The following AGMO variants were observed in gnomAD, a reference collection of about 807,000 sequenced individuals.
AGMO encodes the protein alkylglycerol monooxygenase.
AGMO carries 75 observed loss-of-function variants against 60.2 expected under a neutral mutation model. That is an observed-to-expected ratio of 1.25 (90% CI 1.03 to 1.51). The LOEUF (loss-of-function observed/expected upper bound fraction) is 1.51, where lower values mean the gene tolerates loss of function less well. Ranked by LOEUF, AGMO falls within the 40% of genes most tolerant of loss-of-function variation. The probability of loss-of-function intolerance (pLI) is 0.00; values close to 1 mark genes in which losing one functional copy is unlikely to be tolerated. For synonymous variants in AGMO, 261 were observed against 177.1 expected (o/e 1.47, Z -3.76); for missense variants, 763 against 525.5 (o/e 1.45, Z -4.42).
At chr7:15,432,821 C>A (rs1009543492) in intron 3 of AGMO, among the ~76,000 whole-genome samples, 1 of 151,848 alleles carries the variant, frequency 6.6e-6, no homozygotes, top group African/African-American at 2.4e-5. Context: ...AACACAGAAC[C>A]AAATTATCTG....
intron 12 of AGMO, among the ~76,000 whole-genome samples, chr7:15,350,781 A>C (rs1389684729): frequency 2.0e-5 from 3 of 152,174 alleles, no homozygotes; most frequent in Non-Finnish European, 4.4e-5. Context: ...AATATTGTTA[A>C]AGGCTGTGTA....
At chr7:15,339,650 T>A (rs546013836) in intron 12 of AGMO, among the ~76,000 whole-genome samples, 1 of 152,160 alleles carries the variant, frequency 6.6e-6, no homozygotes, top group Admixed American at 6.6e-5. Flanking sequence ...TAAAGTTATA[T>A]AGACTGTTTA....
chr7:15,382,945 G>A (rs1215088349), intron 10 of AGMO, among the ~76,000 whole-genome samples: 1 of 150,616 alleles, frequency 6.6e-6, no homozygotes, highest in Non-Finnish European at 1.5e-5. Flanking sequence ...TGTAACATTT[G>A]TTATTTTTGC....
intron 10 of AGMO, among the ~76,000 whole-genome samples, chr7:15,370,308 G>T (rs542732420): frequency 6.6e-6 from 1 of 152,252 alleles, no homozygotes; most frequent in South Asian, 2.1e-4. Flanking sequence ...CTCCGTTGGT[G>T]GGCACCTAGG....
intron 12 of AGMO, among the ~76,000 whole-genome samples, chr7:15,351,354 C>T (rs998058950): frequency 6.6e-6 from 1 of 152,124 alleles, no homozygotes; most frequent in African/African-American, 2.4e-5. Context: ...ATAACATATA[C>T]TTAAAATACC....
intron 3 of AGMO, among the ~76,000 whole-genome samples, chr7:15,505,125 G>C (rs1227028818): frequency 6.8e-6 from 1 of 147,464 alleles, no homozygotes; most frequent in East Asian, 1.9e-4. Flanking sequence ...CACGTTTCAA[G>C]TCAAATCATC....
At chr7:15,314,893 G>C (rs1389112202) in intron 12 of AGMO, among the ~76,000 whole-genome samples, 2 of 152,116 alleles carry the variant, frequency 1.3e-5, no homozygotes, top group Non-Finnish European at 2.9e-5. Context: ...TGACATAAGG[G>C]AAAATCAGAG....
intron 3 of AGMO, among the ~76,000 whole-genome samples, chr7:15,483,411 A>AT (rs1782815682): frequency 1.8e-5 from 1 of 54,914 alleles, no homozygotes; most frequent in Non-Finnish European, 7.9e-5. Flanking sequence ...CTAAAAATAC[A>AT]AAAAATTAGC....
In AGMO at chr7:15,347,248, A is replaced by G. The variant is rs535659171; in HGVS notation, c.1263+18266T>C. Reference sequence around the variant, plus strand: ...TACATAGATTAAAGGACCTAGATCTATTTCCTGGCTCTTCACTAACCGTGT... The same window carrying G: ...TACATAGATTAAAGGACCTAGATCTGTTTCCTGGCTCTTCACTAACCGTGT... On this transcript the variant is annotated intron_variant, in intron 12 of 12. Coordinates refer to ENST00000342526, the MANE Select transcript of AGMO (RefSeq NM_001004320.2). Among the ~76,000 whole-genome samples, 20 of 152,170 alleles carry G rather than the reference A, an allele frequency of 1.3e-4. No homozygotes were observed. The East Asian group carries it at 3.5e-3, about 26-fold the overall frequency.
At chr7:15,185,771 C>T in the AGMO span, among the ~76,000 whole-genome samples, 4,432 of 152,256 alleles carry the variant, frequency 0.029, 106 homozygotes, top group Middle Eastern at 0.071. Flanking sequence ...AGAATATGTG[C>T]CTTGTTTTCT....
In AGMO at chr7:15,322,559, TATATAA is replaced by T. The variant is rs1191440733; in HGVS notation, c.1263+42949_1263+42954del. On this transcript the variant is annotated intron_variant, in intron 12 of 12. Transcript: ENST00000342526. The stretch of plus-strand genomic sequence containing the variant: ...AAATATATATATAAATATATATAAA[TATATAA>T]ATATATATAAATATATATAAATATA... 1.7e-3 allele frequency among the ~76,000 whole-genome samples: 79 copies of T among 47,808 alleles called. 1 individual carries two copies. Among genetic ancestry groups the T allele is most frequent in the East Asian group, 2.5e-3 (5 of 1,970 alleles). 31.4% of individuals were successfully genotyped at this position (47,808 alleles called of 152,430 possible). A position where few individuals can be genotyped will look rare whatever the true frequency, so the allele number is the denominator to read the frequency against.
At chr7:15,510,551 A>ATC in intron 3 of AGMO, among the ~76,000 whole-genome samples, 1 of 149,414 alleles carries the variant, frequency 6.7e-6, no homozygotes, top group East Asian at 2.0e-4. Context: ...TATATATCAT[A>ATC]TATATATGTC....
intron 12 of AGMO, among the ~76,000 whole-genome samples, chr7:15,304,901 T>C (rs1004616176): frequency 6.6e-6 from 1 of 152,066 alleles, no homozygotes; most frequent in Non-Finnish European, 1.5e-5. Context: ...CTATAACAAA[T>C]GATTTAGTTA....
At chr7:15,287,998 T>C (rs550481778) in intron 12 of AGMO, among the ~76,000 whole-genome samples, 4 of 152,252 alleles carry the variant, frequency 2.6e-5, no homozygotes, top group African/African-American at 9.6e-5. Flanking sequence ...CTAAAAATGA[T>C]AATGATTTTG....
intron 12 of AGMO, among the ~76,000 whole-genome samples, chr7:15,356,697 T>A (rs1291942615): frequency 6.6e-6 from 1 of 151,918 alleles, no homozygotes; most frequent in Non-Finnish European, 1.5e-5. Flanking sequence ...ATTTTATCTT[T>A]TATAAAAATG....
At chr7:15,345,079 C>A (rs1781984681) in intron 12 of AGMO, among the ~76,000 whole-genome samples, 2 of 152,092 alleles carry the variant, frequency 1.3e-5, no homozygotes, top group African/African-American at 4.8e-5. Flanking sequence ...ATTATACCTA[C>A]CTCCACCAAT....
chr7:15,451,604 A>G (rs921764324), intron 3 of AGMO, among the ~76,000 whole-genome samples: 2 of 151,982 alleles, frequency 1.3e-5, no homozygotes, highest in Non-Finnish European at 2.9e-5. Flanking sequence ...ATTTTCTATG[A>G]CCCCTCTATT....
chr7:15,299,522 G>A (rs1784498817), intron 12 of AGMO, among the ~76,000 whole-genome samples: 1 of 152,006 alleles, frequency 6.6e-6, no homozygotes, highest in Non-Finnish European at 1.5e-5. Context: ...TGTGTTTCAT[G>A]GATTGGAAGT....
rs376474009 is a variant in AGMO at position 15,448,206 on chromosome 7, C to T, written c.410-17098G>A. ...TTGAAATCCTTACCCGAGAGGTGAT[C>T]GTATTTGCAGATGGGGCATTTTGGA... On this transcript the variant is annotated intron_variant, in intron 3 of 12. Coordinates refer to ENST00000342526, the MANE Select transcript of AGMO (RefSeq NM_001004320.2). Among the ~76,000 whole-genome samples the T allele has an allele frequency of 9.2e-5, 14 of 152,222 alleles. No homozygotes were observed. The East Asian group carries it at 2.5e-3, about 27-fold the overall frequency.
Sources: gnomAD v4.1 joint callset for allele counts (sites outside exome capture counted in the v4.1 genomes callset) on GRCh38, gnomAD v4.1.1 for gene constraint, MANE v1.5 for transcripts, NCBI Gene and HGNC (gene_info 2026-07-23, HGNC 2026-07-21) for gene names.